The following NEK6 variants were observed in gnomAD, a reference collection of about 807,000 sequenced individuals.
The protein encoded by NEK6 is serine/threonine-protein kinase Nek6.
In NEK6, 27 loss-of-function variants were observed where a neutral mutation model predicts 43.5. That is an observed-to-expected ratio of 0.62 (90% CI 0.46 to 0.86). The LOEUF (loss-of-function observed/expected upper bound fraction) is 0.86, where lower values mean the gene tolerates loss of function less well. NEK6 is among the 40% of genes least tolerant of loss of function. NEK6 has a pLI of 0.00. For synonymous variants in NEK6, 167 were observed against 164.1 expected, an observed-to-expected ratio of 1.02 and a Z score of -0.14; for missense variants, 318 against 414.4, an observed-to-expected ratio of 0.77 and a Z score of 2.02.
chr9:124,292,944 C>T lies in NEK6; in HGVS notation c.-29-8992C>T, dbSNP rs867790019. ...CCAGGAAGGCTGCCTGGAGGAGATG[C>T]CCAGGAGAGAAGTTTGCTGGGAGGC... On this transcript the variant is annotated intron_variant, in intron 1 of 9. Transcript: ENST00000320246. 6.4e-7 allele frequency: 1 copy of T among 1,566,646 alleles called. No homozygotes were observed. Among genetic ancestry groups the T allele is most frequent in the East Asian group, 2.4e-5 (1 of 42,056 alleles).
chr9:124,261,533 T>G, intron 1 of NEK6: 1 of 985,470 alleles, frequency 1.0e-6, no homozygotes, highest in East Asian at 1.1e-4. Flanking sequence ...GATGTCACCT[T>G]CACGGGCCTG....
intron 7 of NEK6, among the ~76,000 whole-genome samples, chr9:124,330,214 AG>A (rs1471033732): frequency 1.3e-5 from 2 of 152,258 alleles, no homozygotes; most frequent in Non-Finnish European, 2.9e-5. Flanking sequence ...AGCCGTAATT[AG>A]AGCGCGGAAC....
chr9:124,272,694 G>A (rs1331405529), intron 1 of NEK6, among the ~76,000 whole-genome samples: 2 of 152,190 alleles, frequency 1.3e-5, no homozygotes, highest in Non-Finnish European at 1.5e-5. Flanking sequence ...AACGCTGCTG[G>A]TCATGGAGAC....
chr9:124,327,214 C>T, intron 6 of NEK6, 124 bp from the exon 7 acceptor site: 1 of 750,446 alleles, frequency 1.3e-6, no homozygotes, highest in Non-Finnish European at 2.3e-6. Context: ...AGAGCCAGGA[C>T]AGGGCCTTGC....
rs368580376 is a variant in NEK6 at position 124,317,453 on chromosome 9, T to C, written c.294+3468T>C. On this transcript the variant is annotated intron_variant, in intron 4 of 9. Coordinates refer to ENST00000320246, the MANE Select transcript of NEK6 (RefSeq NM_014397.6). ...GTCTTGAACGCCTGACCTCAGGTGA[T>C]CCACCCGCCTCGGCCTCCCAAAGTG... Among the ~76,000 whole-genome samples the C allele has an allele frequency of 2.5e-4, 38 of 152,346 alleles. 1 individual carries two copies. The South Asian group carries it at 2.7e-3, about 11-fold the overall frequency.
chr9:124,257,866 T>G (rs964639335), upstream of NEK6: 21 of 1,043,520 alleles, frequency 2.0e-5, no homozygotes, highest in Non-Finnish European at 2.4e-5. Flanking sequence ...CAAGCTTGCG[T>G]GGCGGCAGCG....
intron 2 of NEK6, among the ~76,000 whole-genome samples, chr9:124,312,194 G>A (rs893727415): frequency 3.9e-5 from 6 of 152,238 alleles, no homozygotes; most frequent in Non-Finnish European, 5.9e-5. Context: ...GTGGTCCCAC[G>A]GAGCTAGCCC....
At position 124,312,669 on chromosome 9, in the gene NEK6, G is replaced by A; in HGVS notation, c.231+20G>A. 6.3e-7 allele frequency: 1 copy of A among 1,599,974 alleles called. No individual in the cohort carries two copies. Among genetic ancestry groups the A allele is most frequent in the Non-Finnish European group, 8.6e-7 (1 of 1,169,304 alleles). ...GTGCAGGTGAGCTGACAACCCGTGGGGTCAAACCTGCATCTCGGGAGGTGG... is the reference window on the plus strand; with the variant it reads ...GTGCAGGTGAGCTGACAACCCGTGGAGTCAAACCTGCATCTCGGGAGGTGG... On this transcript the variant is annotated intron_variant, in intron 3 of 9. Transcript: ENST00000320246.
chr9:124,309,659 G>A (rs1833433335), intron 2 of NEK6, among the ~76,000 whole-genome samples: 1 of 152,246 alleles, frequency 6.6e-6, no homozygotes, highest in Admixed American at 6.5e-5. Flanking sequence ...AGCTGTCTAA[G>A]CAGCTGGAAA....
intron 8 of NEK6, among the ~76,000 whole-genome samples, chr9:124,347,219 C>T (rs979706745): frequency 3.3e-5 from 5 of 152,250 alleles, no homozygotes; most frequent in African/African-American, 1.2e-4. Flanking sequence ...CAAGAACAGC[C>T]ACAGTGAAAT....
intron 1 of NEK6, among the ~76,000 whole-genome samples, chr9:124,286,674 G>T (rs1215935069): frequency 1.3e-5 from 2 of 152,200 alleles, no homozygotes; most frequent in Non-Finnish European, 2.9e-5. Flanking sequence ...GAGCCACTCG[G>T]GGCTGAGGCC....
intron 2 of NEK6, among the ~76,000 whole-genome samples, chr9:124,307,745 G>A (rs913256054): frequency 1.3e-5 from 2 of 152,202 alleles, no homozygotes; most frequent in African/African-American, 4.8e-5. Context: ...TGCCTAGCAT[G>A]GTCCCTTGAC....
rs770421728 is a variant in NEK6, at chr9:124,351,124, C to T, written c.*177C>T. 1.1e-5 allele frequency: 6 copies of T among 568,584 alleles called. No homozygotes were observed. The highest frequency in any genetic ancestry group is 7.5e-5 in the African/African-American group (4 of 53,068). The allele number at this position is 568,584 out of a possible 1,614,324, so 35.2% of individuals were successfully genotyped here. A position where few individuals can be genotyped will look rare whatever the true frequency, so the allele number is the denominator to read the frequency against. ...GAAGGCAGAGCAGCTGAGGGAGGGG[C>T]GCTGGCCACATGTCACTGATGGTCA... On this transcript the variant is annotated 3_prime_UTR_variant, in exon 10 of 10. Transcript: ENST00000320246.
chr9:124,326,393 T>C lies in NEK6; in HGVS notation c.469T>C (p.Cys157Arg). 1.2e-6 allele frequency: 2 copies of C among 1,611,158 alleles called. No homozygotes were observed. Among genetic ancestry groups the C allele is most frequent in the South Asian group, 1.1e-5 (1 of 91,084 alleles). Residue 157 changes from cysteine (C) to arginine (R), a missense_variant, in exon 6 of 10, where the codon TGC becomes CGC. Transcript: ENST00000320246. This position sits in a 1 kb window ranked among gnomAD's most constrained non-coding sequence, Gnocchi z 4.5. ...AGTATGGAAGTACTTTGTGCAGCTG[T>C]GCAGCGCCGTGGAGCACATGCATTC... Reference protein sequence around the residue: ...RTVWKYFVQLCSAVEHMHSRR... With the variant: ...RTVWKYFVQLRSAVEHMHSRR...
intron 7 of NEK6, among the ~76,000 whole-genome samples, chr9:124,332,362 CA>C (rs112425162): frequency 0.025 from 3,802 of 152,326 alleles, 65 homozygotes; most frequent in Non-Finnish European, 0.032. Flanking sequence ...CTGCAGAGGT[CA>C]GGGGGGGACC....
chr9:124,270,725 G>C (rs773037320), intron 1 of NEK6, among the ~76,000 whole-genome samples: 1 of 152,238 alleles, frequency 6.6e-6, no homozygotes, highest in Non-Finnish European at 1.5e-5. Context: ...GGTGGCAGAG[G>C]TTGCTGGGTG....
At position 124,333,773 on chromosome 9, in the gene NEK6, C is replaced by CTT. The variant is rs148074227; in HGVS notation, c.623-5777_623-5776dup. Among the ~76,000 whole-genome samples the CTT allele has an allele frequency of 4.2e-3, 504 of 119,924 alleles. 7 individuals are homozygous for CTT. The highest frequency in any genetic ancestry group is 8.1e-3 in the African/African-American group (259 of 32,016). The allele number at this position is 119,924 out of a possible 152,430, so 78.7% of individuals were successfully genotyped here. On this transcript the variant is annotated intron_variant, in intron 7 of 9. Coordinates refer to ENST00000320246, the MANE Select transcript of NEK6 (RefSeq NM_014397.6). ...AGCTGCAGCATGGATCATTTCAGTC[C>CTT]TTTTTTTTTTTTTTTTTTTTTTGAG...
chr9:124,348,188 G>C (rs1830051917), intron 9 of NEK6, among the ~76,000 whole-genome samples: 1 of 152,204 alleles, frequency 6.6e-6, no homozygotes, highest in African/African-American at 2.4e-5. Flanking sequence ...GATGTGGCAG[G>C]CCTGGCGTCC....
At chr9:124,344,194 C>T (rs181247852) in intron 8 of NEK6, among the ~76,000 whole-genome samples, 1 of 152,310 alleles carries the variant, frequency 6.6e-6, no homozygotes, top group African/African-American at 2.4e-5. Context: ...CTTGTGGGTA[C>T]GTTGGGGCCC....
Sources: allele counts gnomAD v4.1 joint callset (sites outside exome capture counted in the v4.1 genomes callset), GRCh38; gene constraint gnomAD v4.1.1; non-coding constraint Gnocchi (gnomAD v3.1); transcripts MANE v1.5; gene names NCBI Gene and HGNC (gene_info 2026-07-23, HGNC 2026-07-21).